The following C9 variants were observed in gnomAD, a reference collection of about 807,000 sequenced individuals.
C9 encodes the protein complement component C9.
In C9, 63 loss-of-function variants were observed where a neutral mutation model predicts 65.4. The ratio of observed to expected loss-of-function variants is 0.96; its 90% CI spans 0.79 to 1.19. The LOEUF (loss-of-function observed/expected upper bound fraction) is 1.19, where lower values mean the gene tolerates loss of function less well. Among genes scored for constraint, C9 ranks in the 50% most tolerant of loss-of-function variants. C9 has a pLI of 0.00. For synonymous variants in C9, 229 were observed against 227.9 expected (o/e 1.00, Z -0.04); for missense variants, 744 against 670.1 (o/e 1.11, Z -1.22).
chr5:39,358,250 G>A (rs1437674367), intron 1 of C9, among the ~76,000 whole-genome samples: 1 of 152,214 alleles, frequency 6.6e-6, no homozygotes, highest in East Asian at 1.9e-4. Context: ...GAGAGTAGAA[G>A]GTGATAGTCC....
chr5:39,312,629 C>T (rs1264064231), intron 6 of C9, among the ~76,000 whole-genome samples: 1 of 152,138 alleles, frequency 6.6e-6, no homozygotes. Context: ...CCGGAGAAAA[C>T]TAGGGCAGTG....
At chr5:39,331,980 T>G (rs1266547580) in intron 4 of C9, among the ~76,000 whole-genome samples, 166 bp from the exon 5 acceptor site, 1 of 152,182 alleles carries the variant, frequency 6.6e-6, no homozygotes, top group Non-Finnish European at 1.5e-5. Flanking sequence ...CTTGGCTCAG[T>G]GTCTCTGGCA....
intron 9 of C9, among the ~76,000 whole-genome samples, chr5:39,302,894 A>C (rs1292100315): frequency 1.3e-5 from 2 of 152,286 alleles, no homozygotes; most frequent in East Asian, 3.9e-4. Flanking sequence ...TCCCAAGAGA[A>C]ACAAAATGAG....
intron 9 of C9, among the ~76,000 whole-genome samples, chr5:39,290,825 A>G (rs1753079579): frequency 6.6e-6 from 1 of 151,896 alleles, no homozygotes; most frequent in Non-Finnish European, 1.5e-5. Flanking sequence ...ATTCAGATCA[A>G]CCAAGGTAGA....
intron 10 of C9, among the ~76,000 whole-genome samples, chr5:39,285,513 G>T (rs898908553): frequency 1.3e-5 from 2 of 152,122 alleles, no homozygotes; most frequent in African/African-American, 4.8e-5. Flanking sequence ...AGAAATTGGA[G>T]AAGGTTTCAT....
intron 9 of C9, among the ~76,000 whole-genome samples, chr5:39,298,805 C>G (rs1374516911): frequency 6.6e-6 from 1 of 151,828 alleles, no homozygotes; most frequent in East Asian, 1.9e-4. Context: ...AATTACAAAT[C>G]AATATCACTC....
chr5:39,331,179 A>G (rs1753832507), intron 5 of C9, among the ~76,000 whole-genome samples: 1 of 152,220 alleles, frequency 6.6e-6, no homozygotes, highest in African/African-American at 2.4e-5. Context: ...AGTTTGGAAT[A>G]GTGTTGTGTA....
chr5:39,306,494 A>G (rs1579846579), intron 9 of C9, 123 bp downstream of exon 9: 1 of 807,826 alleles, frequency 1.2e-6, no homozygotes. Context: ...TTTGGGGAAG[A>G]AATGGGAGTG....
intron 10 of C9, among the ~76,000 whole-genome samples, chr5:39,285,625 C>A (rs975804683): frequency 1.3e-5 from 2 of 151,180 alleles, no homozygotes; most frequent in East Asian, 1.9e-4. Flanking sequence ...AAACAAAAAA[C>A]CCATGCCCAG....
chr5:39,361,080 CAGAA>C (rs1754508493), intron 1 of C9, among the ~76,000 whole-genome samples: 4 of 150,012 alleles, frequency 2.7e-5, no homozygotes, highest in Admixed American at 2.7e-4. Context: ...CATATTGACT[CAGAA>C]AGTTATCCAG....
At chr5:39,354,846 CTTAA>C (rs1236887911) in intron 1 of C9, among the ~76,000 whole-genome samples, 2 of 152,012 alleles carry the variant, frequency 1.3e-5, no homozygotes, top group African/African-American at 2.4e-5. Context: ...TGAGTAAATA[CTTAA>C]TTAAATGAAA....
chr5:39,341,042 A>C, intron 4 of C9, 104 bp downstream of exon 4: 2 of 1,243,794 alleles, frequency 1.6e-6, no homozygotes, highest in Non-Finnish European at 2.4e-6. Flanking sequence ...CAGCTGTATC[A>C]CCTATGTCCC....
intron 1 of C9, among the ~76,000 whole-genome samples, chr5:39,345,919 T>C (rs192326729): frequency 4.1e-4 from 62 of 152,320 alleles, no homozygotes; most frequent in African/African-American, 1.5e-3. Context: ...TCTGAATGAC[T>C]ACTGGGTACA....
intron 5 of C9, among the ~76,000 whole-genome samples, chr5:39,319,721 A>G (rs1037714889): frequency 2.0e-5 from 3 of 152,038 alleles, no homozygotes; most frequent in Admixed American, 6.6e-5. Context: ...AGCCAGCCCT[A>G]TTGGCCCCAG....
At chr5:39,346,538 C>T (rs1754198101) in intron 1 of C9, among the ~76,000 whole-genome samples, 1 of 152,042 alleles carries the variant, frequency 6.6e-6, no homozygotes, top group Non-Finnish European at 1.5e-5. Flanking sequence ...AATAGCCTAC[C>T]AACCAAAAAA....
chr5:39,287,850 G>A (rs1175941528), intron 10 of C9, among the ~76,000 whole-genome samples: 1 of 151,886 alleles, frequency 6.6e-6, no homozygotes, highest in African/African-American at 2.4e-5. Context: ...GGGGGATGAG[G>A]GTTGAAAAAT....
intron 7 of C9, 62 bp downstream of exon 7, chr5:39,311,075 G>A (rs1346672529): frequency 3.2e-6 from 5 of 1,567,928 alleles, no homozygotes; most frequent in South Asian, 1.1e-5. Context: ...AAACAGGTTG[G>A]TGAACAAAAT....
intron 9 of C9, among the ~76,000 whole-genome samples, chr5:39,303,879 G>A (rs965147847): frequency 6.6e-6 from 1 of 152,102 alleles, no homozygotes; most frequent in Non-Finnish European, 1.5e-5. Context: ...AGTTTGCCTT[G>A]TGTTGAGACG....
chr5:39,331,570 T>G, intron 5 of C9, 106 bp downstream of exon 5: 15 of 969,926 alleles, frequency 1.5e-5, no homozygotes, highest in Non-Finnish European at 2.2e-5. Flanking sequence ...TGTGTTCATG[T>G]GAAATTATTA....
Sources: allele counts gnomAD v4.1 joint callset (sites outside exome capture counted in the v4.1 genomes callset), GRCh38; gene constraint gnomAD v4.1.1; transcripts MANE v1.5; gene names NCBI Gene and HGNC (gene_info 2026-07-23, HGNC 2026-07-21).